Variants in GRM7 observed in about 807,000 individuals in gnomAD.
The protein encoded by GRM7 is metabotropic glutamate receptor 7.
GRM7 carries 35 observed loss-of-function variants against 84.5 expected under a neutral mutation model. The observed-to-expected ratio is 0.41, with a 90% CI of 0.32 to 0.55. The LOEUF (loss-of-function observed/expected upper bound fraction) is 0.55. GRM7 is among the 20% of genes least tolerant of loss of function. The probability of loss-of-function intolerance (pLI) is 0.19; values close to 1 mark genes in which losing one functional copy is unlikely to be tolerated. For missense variants in GRM7, 1,003 were observed against 1,194.6 expected, an observed-to-expected ratio of 0.84 and a Z score of 2.36; for synonymous variants, 487 against 455.1, an observed-to-expected ratio of 1.07 and a Z score of -0.89.
At chr3:7,005,746 C>G (rs955992065) in intron 1 of GRM7, among the ~76,000 whole-genome samples, 4 of 152,122 alleles carry the variant, frequency 2.6e-5, no homozygotes, top group African/African-American at 9.7e-5. Flanking sequence ...TCCAGATGCA[C>G]CGAAAATGAC....
chr3:7,579,343 C>G lies in GRM7; in HGVS notation c.2437C>G (p.Gln813Glu), dbSNP rs751551157. 1.9e-6 allele frequency: 3 copies of G among 1,551,822 alleles called. No homozygotes were observed. Among genetic ancestry groups the G allele is most frequent in the Admixed American group, 3.8e-5 (2 of 52,682 alleles). The change falls in exon 8 of 10, where the codon CAA becomes GAA. Residue 813 changes from glutamine (Q) to glutamate (E), a missense_variant. By Grantham distance (29) the Gln-to-Glu change is conservative. Around this residue, in one of 2 missense-constraint regions of GRM7, gnomAD observed 910 missense variants for 1,126.0 expected, o/e 0.81. Coordinates refer to ENST00000357716, the MANE Select transcript of GRM7 (RefSeq NM_000844.4). Reference sequence around the variant, plus strand: ...CATTCCAATTTTTTTTGGCACCGCTCAATCAGCGGAAAAGGTAAGTGAAAA... The same window carrying G: ...CATTCCAATTTTTTTTGGCACCGCTGAATCAGCGGAAAAGGTAAGTGAAAA... Reference protein sequence around the residue: ...AFIPIFFGTAQSAEKLYIQTT... With the variant: ...AFIPIFFGTAESAEKLYIQTT...
chr3:6,944,310 A>AT (rs1697986347), intron 1 of GRM7, among the ~76,000 whole-genome samples: 1 of 152,012 alleles, frequency 6.6e-6, no homozygotes, highest in South Asian at 2.1e-4. Flanking sequence ...TTAACCGTAG[A>AT]TTTTTTCATA....
intron 2 of GRM7, among the ~76,000 whole-genome samples, chr3:7,187,151 T>A (rs1695546545): frequency 6.6e-6 from 1 of 152,116 alleles, no homozygotes; most frequent in Non-Finnish European, 1.5e-5. Context: ...CAGATCTTCA[T>A]CAATTAAATG....
intron 5 of GRM7, among the ~76,000 whole-genome samples, chr3:7,429,660 GT>G (rs1004393275): frequency 3.9e-4 from 59 of 152,282 alleles, no homozygotes; most frequent in African/African-American, 1.4e-3. Context: ...GTTCTCGGAG[GT>G]TTGTTAAGTG....
At chr3:7,333,705 A>AT (rs1553562567) in intron 4 of GRM7, among the ~76,000 whole-genome samples, 7,292 of 87,348 alleles carry the variant, frequency 0.083, 420 homozygotes, top group African/African-American at 0.34. Context: ...ACATAAAGAA[A>AT]TTAAAAAAAA....
chr3:7,615,939 A>G (rs1697058705), intron 8 of GRM7, among the ~76,000 whole-genome samples: 1 of 152,000 alleles, frequency 6.6e-6, no homozygotes, highest in South Asian at 2.1e-4. Flanking sequence ...TTGAATACTT[A>G]TAAGTGTATT....
At chr3:7,566,108 T>TTTTTTG (rs1694250078) in intron 7 of GRM7, among the ~76,000 whole-genome samples, 3 of 12,290 alleles carry the variant, frequency 2.4e-4, no homozygotes, top group Admixed American at 8.9e-4. Flanking sequence ...CAGCTGTTTT[T>TTTTTTG]TTTTTTTTTT....
chr3:7,667,560 CAA>C (rs1483259329), intron 8 of GRM7, among the ~76,000 whole-genome samples: 187 of 152,048 alleles, frequency 1.2e-3, no homozygotes, highest in African/African-American at 4.3e-3. Context: ...ATAATTATAT[CAA>C]AGTTTCATAT....
chr3:7,482,964 T>C (rs1309217070), intron 7 of GRM7, among the ~76,000 whole-genome samples: 1 of 152,200 alleles, frequency 6.6e-6, no homozygotes, highest in Non-Finnish European at 1.5e-5. Context: ...CTATTTAAAA[T>C]TACTTATATG....
chr3:7,370,789 T>C (rs1319666411), intron 4 of GRM7, among the ~76,000 whole-genome samples: 1 of 152,148 alleles, frequency 6.6e-6, no homozygotes, highest in Non-Finnish European at 1.5e-5. Context: ...TTAATATGTT[T>C]GGTGCAAGAT....
At chr3:7,520,259 A>G (rs1414715229) in intron 7 of GRM7, 1 of 152,008 alleles carries the variant, frequency 6.6e-6, no homozygotes, top group Non-Finnish European at 1.5e-5. Context: ...TGGTAATCTC[A>G]TTATCCATGG....
chr3:6,936,595 T>A (rs1433649458), intron 1 of GRM7, among the ~76,000 whole-genome samples: 2 of 152,210 alleles, frequency 1.3e-5, no homozygotes, highest in Non-Finnish European at 2.9e-5. Flanking sequence ...TTTTATTAAA[T>A]TGTTTATGCT....
chr3:7,043,791 C>T (rs552438853), intron 1 of GRM7, among the ~76,000 whole-genome samples: 1 of 152,296 alleles, frequency 6.6e-6, no homozygotes, highest in East Asian at 1.9e-4. Flanking sequence ...ATCCCCTCTT[C>T]AGTAGTTCTG....
chr3:7,184,086 G>A (rs902880173), intron 2 of GRM7, among the ~76,000 whole-genome samples: 1 of 152,052 alleles, frequency 6.6e-6, no homozygotes, highest in Non-Finnish European at 1.5e-5. Context: ...GGAGGAGGAT[G>A]ATTAAAGAGA....
intron 8 of GRM7, among the ~76,000 whole-genome samples, chr3:7,634,556 C>T (rs1490585623): frequency 1.4e-5 from 2 of 142,740 alleles, no homozygotes; most frequent in Non-Finnish European, 3.0e-5. Flanking sequence ...GAGGCCGAGG[C>T]GGGTGGATCA....
chr3:7,185,417 T>C (rs1441434444), intron 2 of GRM7, among the ~76,000 whole-genome samples: 1 of 152,114 alleles, frequency 6.6e-6, no homozygotes, highest in Non-Finnish European at 1.5e-5. Flanking sequence ...AAAGAAGAGC[T>C]CAAGACAATC....
At chr3:7,536,681 C>T (rs1413021162) in intron 7 of GRM7, among the ~76,000 whole-genome samples, 1 of 152,134 alleles carries the variant, frequency 6.6e-6, no homozygotes, top group Non-Finnish European at 1.5e-5. Context: ...TTGAGGAAGC[C>T]AAATGCACAG....
At chr3:7,288,835 A>G (rs989304909) in intron 2 of GRM7, among the ~76,000 whole-genome samples, 1 of 152,164 alleles carries the variant, frequency 6.6e-6, no homozygotes, top group African/African-American at 2.4e-5. Flanking sequence ...TATCCCGAGA[A>G]CCACTGTCTT....
At chr3:7,046,794 T>C (rs368782661) in intron 1 of GRM7, among the ~76,000 whole-genome samples, 2 of 152,062 alleles carry the variant, frequency 1.3e-5, no homozygotes, top group East Asian at 1.9e-4. Flanking sequence ...GAAAAGAGAA[T>C]GTCACATGAA....
Sources: allele counts gnomAD v4.1 joint callset (sites outside exome capture counted in the v4.1 genomes callset), GRCh38; gene constraint gnomAD v4.1.1; regional missense constraint gnomAD v4.1.1; transcripts MANE v1.5; gene names NCBI Gene and HGNC (gene_info 2026-07-23, HGNC 2026-07-21).